ERLIN1: variants seen among roughly 807,000 people sequenced by gnomAD.
ERLIN1 encodes ER lipid raft associated 1, also known as erlin-1.
ERLIN1 carries 24 observed loss-of-function variants against 46.9 expected under a neutral mutation model. The observed-to-expected ratio is 0.51, with a 90% CI of 0.37 to 0.72. The LOEUF is 0.72. ERLIN1 is among the 30% of genes least tolerant of loss of function. The probability of loss-of-function intolerance (pLI) is 0.00; values close to 1 mark genes in which losing one functional copy is unlikely to be tolerated. For synonymous variants in ERLIN1, 158 were observed against 143.2 expected, an observed-to-expected ratio of 1.10 and a Z score of -0.74; for missense variants, 293 against 417.9, an observed-to-expected ratio of 0.70 and a Z score of 2.61.
rs1437226411 is a variant in ERLIN1 at position 100,151,001 on chromosome 10, A to G, written c.*1130T>C. Reference sequence around the variant, plus strand: ...CATCTCTGGGCCAGGTGGGAAGGAGACAATGATGACCAAGGATGCTTTCTA... The same window carrying G: ...CATCTCTGGGCCAGGTGGGAAGGAGGCAATGATGACCAAGGATGCTTTCTA... On this transcript the variant is annotated 3_prime_UTR_variant, in exon 11 of 11. Coordinates refer to ENST00000421367, the MANE Select transcript of ERLIN1 (RefSeq NM_006459.4). The G allele has an allele frequency of 6.6e-6, 1 of 152,338 alleles. No individual in the cohort carries two copies. Among genetic ancestry groups the G allele is most frequent in the Non-Finnish European group, 1.5e-5 (1 of 68,034 alleles). 9.4% of individuals were successfully genotyped at this position (152,338 alleles called of 1,614,324 possible).
chr10:100,179,519 C>A (rs572627756), intron 2 of ERLIN1, among the ~76,000 whole-genome samples: 12 of 151,440 alleles, frequency 7.9e-5, no homozygotes, highest in African/African-American at 2.9e-4. Flanking sequence ...TGCAGTGGTG[C>A]AATCTTGGCT....
In ERLIN1 at chr10:100,151,833, T is replaced by G; in HGVS notation, c.*298A>C. ...TTAGGAAAACACAGCTTGTTATATATTTAGTGTTTAACATTCCAGTGCAGG... is the reference window on the plus strand; with the variant it reads ...TTAGGAAAACACAGCTTGTTATATAGTTAGTGTTTAACATTCCAGTGCAGG... On this transcript the variant is annotated 3_prime_UTR_variant, in exon 11 of 11. Coordinates refer to ENST00000421367, the MANE Select transcript of ERLIN1 (RefSeq NM_006459.4). 1 of 421,196 alleles carries G rather than the reference T, an allele frequency of 2.4e-6. No individual in the cohort carries two copies. Among genetic ancestry groups the G allele is most frequent in the South Asian group, 2.1e-5 (1 of 46,804 alleles). The allele number at this position is 421,196 out of a possible 1,614,324, so 26.1% of individuals were successfully genotyped here. A position where few individuals can be genotyped will look rare whatever the true frequency, so the allele number is the denominator to read the frequency against.
intron 8 of ERLIN1, among the ~76,000 whole-genome samples, chr10:100,161,205 T>C (rs981547297): frequency 1.3e-5 from 2 of 152,240 alleles, no homozygotes; most frequent in Admixed American, 6.5e-5. Context: ...TAAGGACCTA[T>C]TGTCTGAAGA....
intron 6 of ERLIN1, among the ~76,000 whole-genome samples, chr10:100,169,023 C>T (rs181857261): frequency 6.6e-6 from 1 of 152,260 alleles, no homozygotes; most frequent in Non-Finnish European, 1.5e-5. Context: ...CTGAATGAGG[C>T]TGAAGAACAT....
At chr10:100,185,422 G>A (rs1936021646) in intron 1 of ERLIN1, 92 bp downstream of exon 1, 1 of 993,982 alleles carries the variant, frequency 1.0e-6, no homozygotes, top group East Asian at 2.4e-5. Flanking sequence ...ATGCGCCCCC[G>A]AACGTTGCAG....
intron 6 of ERLIN1, among the ~76,000 whole-genome samples, chr10:100,172,674 A>G (rs1038988545): frequency 6.6e-6 from 1 of 152,198 alleles, no homozygotes; most frequent in East Asian, 1.9e-4. Flanking sequence ...ATTGCTTCCA[A>G]TGTTGGTGAG....
intron 8 of ERLIN1, among the ~76,000 whole-genome samples, chr10:100,157,594 T>C (rs1041950808): frequency 2.0e-5 from 3 of 152,186 alleles, no homozygotes; most frequent in African/African-American, 7.2e-5. Flanking sequence ...CATAAAACAG[T>C]ATGCTTTACG....
chr10:100,151,877 C>A lies in ERLIN1; in HGVS notation c.*254G>T. The A allele has an allele frequency of 1.9e-6, 1 of 517,362 alleles. No homozygotes were observed. Among genetic ancestry groups the A allele is most frequent in the Non-Finnish European group, 3.5e-6 (1 of 283,668 alleles). The allele number at this position is 517,362 out of a possible 1,614,324, so 32.0% of individuals were successfully genotyped here. ...GTGCAGGCAGTATCTTAGCATCAGACTTTCCTCATTCATGAGTAGCAGTTT... is the reference window on the plus strand; with the variant it reads ...GTGCAGGCAGTATCTTAGCATCAGAATTTCCTCATTCATGAGTAGCAGTTT... On this transcript the variant is annotated 3_prime_UTR_variant, in exon 11 of 11. Coordinates refer to ENST00000421367, the MANE Select transcript of ERLIN1 (RefSeq NM_006459.4).
rs970094231 is a variant in ERLIN1, at chr10:100,186,009, G to T, written c.-383C>A. On this transcript the variant is annotated 5_prime_UTR_variant, in exon 1 of 11. Transcript: ENST00000421367. ...GCCCGCACGTGCAGCCGACTCCCGCGCCGAGCCAACCGCCGCCAACAGCCG... is the reference window on the plus strand; with the variant it reads ...GCCCGCACGTGCAGCCGACTCCCGCTCCGAGCCAACCGCCGCCAACAGCCG... 5 of 419,364 alleles carry T rather than the reference G, an allele frequency of 1.2e-5. No individual in the cohort carries two copies. In the East Asian group the frequency reaches 1.8e-4, roughly 15 times the overall value. 26.0% of individuals were successfully genotyped at this position (419,364 alleles called of 1,614,324 possible).
Position 100,152,311 on chromosome 10 carries a change from C to T in ERLIN1, c.867G>A (p.Gln289=). The T allele has an allele frequency of 6.2e-7, 1 of 1,613,586 alleles. No homozygotes were observed. Among genetic ancestry groups the T allele is most frequent in the Non-Finnish European group, 8.5e-7 (1 of 1,179,518 alleles). The change falls in exon 11 of 11, where the codon CAG becomes CAA. Residue 289 remains glutamine (Q), a synonymous_variant. Transcript: ENST00000421367. ...TPEYLELKKY[Q]AIASNSKIYF... ...AGATCTTACTGTTAGAAGCAATGGC[C>T]TGGTACTTTTTGAGCTCCAGATATT...
intron 1 of ERLIN1, 130 bp downstream of exon 1, chr10:100,185,384 A>G (rs1473272709): frequency 4.4e-6 from 3 of 678,140 alleles, no homozygotes; most frequent in East Asian, 5.4e-5. Context: ...GCCCGCTTCG[A>G]CCCCCGTGCT....
intron 5 of ERLIN1, 76 bp from the exon 6 acceptor site, chr10:100,174,357 T>C (rs1844173763): frequency 3.9e-6 from 4 of 1,028,608 alleles, no homozygotes; most frequent in Non-Finnish European, 5.9e-6. Context: ...GAAACAAAAC[T>C]AATCATTATT....
chr10:100,170,917 T>A (rs1843956074), intron 6 of ERLIN1, among the ~76,000 whole-genome samples: 2 of 152,192 alleles, frequency 1.3e-5, no homozygotes, highest in South Asian at 4.1e-4. Context: ...GAATGCAGTA[T>A]GTAACATAAA....
At chr10:100,184,962 T>G (rs1012120130) in intron 1 of ERLIN1, among the ~76,000 whole-genome samples, 27 of 151,970 alleles carry the variant, frequency 1.8e-4, no homozygotes, top group African/African-American at 6.3e-4. Flanking sequence ...GAGCAACAGC[T>G]CCCACACCAC....
At chr10:100,155,294 C>G (rs114804218) in intron 9 of ERLIN1, among the ~76,000 whole-genome samples, 16 of 150,972 alleles carry the variant, frequency 1.1e-4, no homozygotes, top group African/African-American at 2.9e-4. Context: ...TGTCTCCAGC[C>G]CCCCCCCAAA....
In ERLIN1 at chr10:100,151,019, G is replaced by A. The variant is rs967259639; in HGVS notation, c.*1112C>T. The stretch of plus-strand genomic sequence containing the variant: ...GAAGGAGACAATGATGACCAAGGAT[G>A]CTTTCTAGGTGACTTTTTGTTCCAC... On this transcript the variant is annotated 3_prime_UTR_variant, in exon 11 of 11. Coordinates refer to ENST00000421367, the MANE Select transcript of ERLIN1 (RefSeq NM_006459.4). 6 of 152,612 alleles carry A rather than the reference G, an allele frequency of 3.9e-5. No individual in the cohort carries two copies. The highest frequency in any genetic ancestry group is 1.4e-4 in the African/African-American group (6 of 41,562). 9.5% of individuals were successfully genotyped at this position (152,612 alleles called of 1,614,324 possible). A position where few individuals can be genotyped will look rare whatever the true frequency, so the allele number is the denominator to read the frequency against.
chr10:100,173,336 C>T (rs1279240078), intron 6 of ERLIN1, among the ~76,000 whole-genome samples: 1 of 152,126 alleles, frequency 6.6e-6, no homozygotes, highest in East Asian at 1.9e-4. Context: ...CAGTGGCTTT[C>T]GAATGTTACT....
chr10:100,161,548 A>C (rs575972311), intron 8 of ERLIN1, among the ~76,000 whole-genome samples: 2 of 152,286 alleles, frequency 1.3e-5, no homozygotes, highest in South Asian at 4.1e-4. Flanking sequence ...ACAAAACTTA[A>C]GGAGCTGGTT....
chr10:100,163,974 G>A lies in ERLIN1; in HGVS notation c.655+30C>T, dbSNP rs774709054. The A allele has an allele frequency of 7.8e-6, 11 of 1,410,744 alleles. No homozygotes were observed. In the East Asian group the frequency reaches 2.1e-4, roughly 26 times the overall value. The allele number at this position is 1,410,744 out of a possible 1,614,324, so 87.4% of individuals were successfully genotyped here. ...AGAACAGGACAAACAAATGTACTTAGAGACAATCATTTCAGAGAAATCCAA... is the reference window on the plus strand; with the variant it reads ...AGAACAGGACAAACAAATGTACTTAAAGACAATCATTTCAGAGAAATCCAA... On this transcript the variant is annotated intron_variant, in intron 8 of 10. Coordinates refer to ENST00000421367, the MANE Select transcript of ERLIN1 (RefSeq NM_006459.4).
Sources: gnomAD v4.1 joint callset for allele counts (sites outside exome capture counted in the v4.1 genomes callset) on GRCh38, gnomAD v4.1.1 for gene constraint, MANE v1.5 for transcripts, NCBI Gene and HGNC (gene_info 2026-07-23, HGNC 2026-07-21) for gene names.